Variants in NUMB observed in about 807,000 individuals in gnomAD.
NUMB encodes protein numb homolog.
Under a neutral mutation model 59.7 loss-of-function variants are expected in NUMB, and 29 were observed. The ratio of observed to expected loss-of-function variants is 0.49; its 90% CI spans 0.36 to 0.66. NUMB has a LOEUF of 0.66. Ranked by LOEUF, NUMB falls within the 30% of genes least tolerant of loss-of-function variation. NUMB has a pLI of 0.00. For missense variants in NUMB, 723 were observed against 822.0 expected (o/e 0.88, Z 1.47); for synonymous variants, 288 against 288.2 (o/e 1.00, Z 0.01).
At chr14:73,370,066 T>C (rs1188344144) in intron 2 of NUMB, among the ~76,000 whole-genome samples, 1 of 152,184 alleles carries the variant, frequency 6.6e-6, no homozygotes, top group Non-Finnish European at 1.5e-5. Context: ...TTGCTATGAT[T>C]TGAATGTTTG....
At chr14:73,380,827 C>T (rs1895199637) in intron 2 of NUMB, among the ~76,000 whole-genome samples, 1 of 150,920 alleles carries the variant, frequency 6.6e-6, no homozygotes, top group African/African-American at 2.4e-5. Context: ...CAGGTTCAAG[C>T]AATTCTCCTG....
At chr14:73,345,923 A>G (rs1594930768) in intron 4 of NUMB, among the ~76,000 whole-genome samples, 1 of 152,214 alleles carries the variant, frequency 6.6e-6, no homozygotes, top group African/African-American at 2.4e-5. Flanking sequence ...AAAAACCAAA[A>G]AAACAAAAAA....
intron 1 of NUMB, among the ~76,000 whole-genome samples, chr14:73,457,102 T>C (rs1034944445): frequency 2.6e-5 from 4 of 152,162 alleles, no homozygotes; most frequent in Non-Finnish European, 5.9e-5. Flanking sequence ...ATTAGTATTC[T>C]GATGAGGAAA....
chr14:73,305,135 A>G (rs1410316301), intron 6 of NUMB, among the ~76,000 whole-genome samples: 3 of 152,194 alleles, frequency 2.0e-5, no homozygotes, highest in Non-Finnish European at 4.4e-5. Context: ...AGACAACAAA[A>G]TATTTTAGGC....
intron 7 of NUMB, among the ~76,000 whole-genome samples, chr14:73,293,178 T>C (rs1468177645): frequency 2.6e-5 from 4 of 152,082 alleles, no homozygotes; most frequent in Non-Finnish European, 4.4e-5. Flanking sequence ...GTATCTTTAA[T>C]CCTTTGGATA....
At chr14:73,352,732 C>T (rs369994667) in intron 4 of NUMB, among the ~76,000 whole-genome samples, 6 of 144,072 alleles carry the variant, frequency 4.2e-5, no homozygotes, top group East Asian at 2.0e-4. Context: ...TTAGTAGAGA[C>T]GGGGTTTCAC....
At chr14:73,384,506 C>G (rs1312109161) in intron 2 of NUMB, among the ~76,000 whole-genome samples, 1 of 152,128 alleles carries the variant, frequency 6.6e-6, no homozygotes, top group Non-Finnish European at 1.5e-5. Flanking sequence ...GATGGAAGCA[C>G]AGTAACACAG....
intron 5 of NUMB, 31 bp from the exon 6 acceptor site, chr14:73,316,453 A>G (rs1224070213): frequency 9.3e-6 from 15 of 1,608,718 alleles, no homozygotes; most frequent in Non-Finnish European, 1.3e-5. Flanking sequence ...GTCGAGTGCT[A>G]TTATTGTATG....
At chr14:73,356,993 TG>T in intron 3 of NUMB, 1 of 928,986 alleles carries the variant, frequency 1.1e-6, no homozygotes, top group Non-Finnish European at 1.3e-6. Flanking sequence ...CCACCATACC[TG>T]GCCAGAAGAA....
At chr14:73,367,300 C>T (rs867807646) in intron 2 of NUMB, among the ~76,000 whole-genome samples, 3,314 of 107,484 alleles carry the variant, frequency 0.031, 163 homozygotes, top group African/African-American at 0.16. Flanking sequence ...TATATATACA[C>T]ACACACACAC....
intron 1 of NUMB, among the ~76,000 whole-genome samples, chr14:73,423,339 A>G (rs1313205978): frequency 1.7e-5 from 2 of 116,120 alleles, no homozygotes; most frequent in East Asian, 4.6e-4. Flanking sequence ...GTCTCTACTG[A>G]AAAAAAAAAA....
intron 1 of NUMB, among the ~76,000 whole-genome samples, chr14:73,450,116 T>A (rs1236616627): frequency 6.6e-6 from 1 of 152,230 alleles, no homozygotes; most frequent in Non-Finnish European, 1.5e-5. Context: ...GTGATAATTA[T>A]TAATAATTAA....
At chr14:73,406,580 C>T (rs1037725793) in intron 2 of NUMB, among the ~76,000 whole-genome samples, 26 of 152,214 alleles carry the variant, frequency 1.7e-4, no homozygotes, top group African/African-American at 6.3e-4. Flanking sequence ...TTTATAGTAG[C>T]ATGATTTATG....
At chr14:73,398,907 C>T (rs1403441740) in intron 2 of NUMB, among the ~76,000 whole-genome samples, 1 of 152,018 alleles carries the variant, frequency 6.6e-6, no homozygotes, top group Non-Finnish European at 1.5e-5. Context: ...GTAACCTTTG[C>T]ACATATCAAT....
At chr14:73,367,330 C>CAT (rs369452106) in intron 2 of NUMB, among the ~76,000 whole-genome samples, 1,301 of 116,044 alleles carry the variant, frequency 0.011, 10 homozygotes, top group Non-Finnish European at 0.015. Flanking sequence ...CACATATATA[C>CAT]ATATATATAT....
chr14:73,368,720 G>A (rs1894512114), intron 2 of NUMB, among the ~76,000 whole-genome samples: 1 of 152,150 alleles, frequency 6.6e-6, no homozygotes, highest in Admixed American at 6.5e-5. Flanking sequence ...TAATCTCTAA[G>A]CTCTAGGTTC....
intron 8 of NUMB, among the ~76,000 whole-genome samples, chr14:73,290,705 G>C (rs936925282): frequency 6.6e-6 from 1 of 152,140 alleles, no homozygotes; most frequent in African/African-American, 2.4e-5. Flanking sequence ...TCTCTTTTCT[G>C]AAATGCTTGG....
At chr14:73,307,453 A>G (rs966428927) in intron 6 of NUMB, among the ~76,000 whole-genome samples, 1 of 152,102 alleles carries the variant, frequency 6.6e-6, no homozygotes, top group Non-Finnish European at 1.5e-5. Flanking sequence ...AGTGAGCCAC[A>G]CATATATCTG....
intron 3 of NUMB, among the ~76,000 whole-genome samples, chr14:73,358,602 C>CTTCTT (rs1555374489): frequency 8.4e-6 from 1 of 118,938 alleles, no homozygotes; most frequent in Non-Finnish European, 1.8e-5. Flanking sequence ...GAAAGCTAGA[C>CTTCTT]TTTTTTTTTT....
Sources: allele counts gnomAD v4.1 joint callset (sites outside exome capture counted in the v4.1 genomes callset), GRCh38; gene constraint gnomAD v4.1.1; transcripts MANE v1.5; gene names NCBI Gene and HGNC (gene_info 2026-07-23, HGNC 2026-07-21).